The following CTNNA2 variants were observed in gnomAD, a reference collection of about 807,000 sequenced individuals.
CTNNA2 encodes the protein catenin alpha 2, also known as catenin alpha-2.
CTNNA2 carries 42 observed loss-of-function variants against 101.0 expected under a neutral mutation model. That is an observed-to-expected ratio of 0.42 (90% CI 0.32 to 0.54). The LOEUF (loss-of-function observed/expected upper bound fraction) is 0.54, where lower values mean the gene tolerates loss of function less well. Among genes scored for constraint, CTNNA2 ranks in the 20% least tolerant of loss-of-function variants. The probability of loss-of-function intolerance (pLI) is 0.14; values close to 1 mark genes in which losing one functional copy is unlikely to be tolerated. For missense variants in CTNNA2, 871 were observed against 1,223.1 expected, an observed-to-expected ratio of 0.71 and a Z score of 4.29; for synonymous variants, 450 against 456.4, an observed-to-expected ratio of 0.99 and a Z score of 0.18.
intron 7 of CTNNA2, among the ~76,000 whole-genome samples, chr2:79,969,470 C>A (rs686290): frequency 0.22 from 34,182 of 152,070 alleles, 4,442 homozygotes; most frequent in East Asian, 0.48. Flanking sequence ...ATTTCAATAA[C>A]GCGGTTAAAA....
At chr2:79,631,204 T>C (rs1679670091) in intron 1 of CTNNA2, among the ~76,000 whole-genome samples, 1 of 152,196 alleles carries the variant, frequency 6.6e-6, no homozygotes, top group Non-Finnish European at 1.5e-5. Flanking sequence ...ACGCCTTATG[T>C]GGTAACTCTT....
chr2:79,276,446 T>C (rs1675214861), intron 2 of CTNNA2, among the ~76,000 whole-genome samples: 1 of 152,104 alleles, frequency 6.6e-6, no homozygotes. Flanking sequence ...AGAATTACCT[T>C]CATTGTAGAT....
chr2:79,597,227 C>T (rs1384217355), intron 1 of CTNNA2, among the ~76,000 whole-genome samples: 1 of 152,046 alleles, frequency 6.6e-6, no homozygotes. Flanking sequence ...AATCCCAGCA[C>T]TTTGGGAGGC....
chr2:79,330,813 C>A (rs1306270681), intron 3 of CTNNA2, among the ~76,000 whole-genome samples: 1 of 152,282 alleles, frequency 6.6e-6, no homozygotes, highest in South Asian at 2.1e-4. Context: ...GTGAGGCCTC[C>A]CCAGCCATGT....
intron 4 of CTNNA2, among the ~76,000 whole-genome samples, chr2:79,463,819 G>A (rs992807428): frequency 7.2e-5 from 11 of 152,060 alleles, no homozygotes; most frequent in Non-Finnish European, 1.3e-4. Context: ...GTTCTCAATA[G>A]TCAAGCACTC....
At chr2:79,848,414 C>T (rs1038953973) in intron 3 of CTNNA2, among the ~76,000 whole-genome samples, 1 of 152,180 alleles carries the variant, frequency 6.6e-6, no homozygotes, top group African/African-American at 2.4e-5. Context: ...ACAATAATCA[C>T]CTTTTTATGG....
chr2:80,369,436 T>A (rs1485815293), intron 7 of CTNNA2, among the ~76,000 whole-genome samples: 1 of 152,122 alleles, frequency 6.6e-6, no homozygotes, highest in African/African-American at 2.4e-5. Flanking sequence ...CATGCAAGAA[T>A]GTACATATAC....
chr2:80,510,255 A>G (rs1467741975), intron 9 of CTNNA2, among the ~76,000 whole-genome samples: 1 of 152,212 alleles, frequency 6.6e-6, no homozygotes, highest in Admixed American at 6.5e-5. Context: ...AGAGTTCATT[A>G]TGTTGATGAT....
In CTNNA2 at chr2:79,995,560, C is replaced by G. The variant is rs1444185696; in HGVS notation, c.1056+85763C>G. Among the ~76,000 whole-genome samples the G allele has an allele frequency of 2.0e-5, 3 of 152,144 alleles. No homozygotes were observed. The East Asian group carries it at 5.8e-4, about 29-fold the overall frequency. On this transcript the variant is annotated intron_variant, in intron 7 of 18. Transcript: ENST00000402739. Reference sequence around the variant, plus strand: ...GCACAGTGTCTCATGCCTGTAATCCCAGCATTTTAGGAGGCCCAGGAGGGA... The same window carrying G: ...GCACAGTGTCTCATGCCTGTAATCCGAGCATTTTAGGAGGCCCAGGAGGGA...
intron 7 of CTNNA2, among the ~76,000 whole-genome samples, chr2:80,293,545 G>A (rs982772049): frequency 5.9e-5 from 9 of 152,154 alleles, no homozygotes; most frequent in South Asian, 2.1e-4. Context: ...ATTCACTTGT[G>A]TTGTTTCATT....
intron 2 of CTNNA2, among the ~76,000 whole-genome samples, chr2:79,235,854 C>A (rs556501183): frequency 6.6e-6 from 1 of 152,220 alleles, no homozygotes; most frequent in African/African-American, 2.4e-5. Flanking sequence ...CAGGTGTGAC[C>A]CACCTGGCTA....
intron 2 of CTNNA2, among the ~76,000 whole-genome samples, chr2:79,276,572 A>G (rs1216140801): frequency 6.6e-6 from 1 of 151,948 alleles, no homozygotes; most frequent in Non-Finnish European, 1.5e-5. Context: ...TCTGCATCTT[A>G]TTTACCTGAA....
chr2:79,938,212 G>C (rs1687918234), intron 7 of CTNNA2, among the ~76,000 whole-genome samples: 2 of 152,160 alleles, frequency 1.3e-5, no homozygotes, highest in South Asian at 4.1e-4. Context: ...ATTGTGTAAA[G>C]CAAATGAGCC....
chr2:79,742,566 C>T (rs577563243), intron 2 of CTNNA2, among the ~76,000 whole-genome samples: 10 of 152,072 alleles, frequency 6.6e-5, no homozygotes, highest in Non-Finnish European at 1.2e-4. Context: ...GTAACATGTT[C>T]ATGTGTTAGA....
At chr2:80,343,376 A>T (rs1193667025) in intron 7 of CTNNA2, among the ~76,000 whole-genome samples, 1 of 150,510 alleles carries the variant, frequency 6.6e-6, no homozygotes, top group Non-Finnish European at 1.5e-5. Flanking sequence ...CCTTTGACTG[A>T]CTTTGTCATT....
intron 4 of CTNNA2, among the ~76,000 whole-genome samples, chr2:79,414,333 A>G (rs1573155067): frequency 2.0e-5 from 3 of 152,074 alleles, no homozygotes; most frequent in African/African-American, 7.2e-5. Flanking sequence ...TTAGACTTAT[A>G]GACTATGAAA....
At position 79,479,082 on chromosome 2, in the gene CTNNA2, A is replaced by T. The variant is rs150604203; in HGVS notation, c.-134-25972A>T. On this transcript the variant is annotated intron_variant, in intron 4 of 21. Transcript: ENST00000466387. ...TGATAGTAAGAATTCATGATCTCCA[A>T]TTTTTCCTTTTTTACATGGTCTAGT... Among the ~76,000 whole-genome samples the T allele has an allele frequency of 2.6e-3, 399 of 152,212 alleles. 2 individuals are homozygous for T. Among genetic ancestry groups the T allele is most frequent in the African/African-American group, 8.9e-3 (368 of 41,536 alleles).
chr2:79,958,826 T>C (rs904000242), intron 7 of CTNNA2, among the ~76,000 whole-genome samples: 2 of 152,270 alleles, frequency 1.3e-5, no homozygotes, highest in Non-Finnish European at 2.9e-5. Flanking sequence ...TTGTTGAGAA[T>C]ATCTTTACTC....
intron 7 of CTNNA2, among the ~76,000 whole-genome samples, chr2:80,089,589 A>G (rs1210808833): frequency 6.6e-6 from 1 of 152,014 alleles, no homozygotes; most frequent in Non-Finnish European, 1.5e-5. Flanking sequence ...AAACAACAAA[A>G]TGCAAAAAAA....
Sources: allele counts gnomAD v4.1 joint callset (sites outside exome capture counted in the v4.1 genomes callset), GRCh38; gene constraint gnomAD v4.1.1; transcripts MANE v1.5; gene names NCBI Gene and HGNC (gene_info 2026-07-23, HGNC 2026-07-21).